XRN1: variants seen among roughly 807,000 people sequenced by gnomAD.
XRN1 encodes strand-exchange protein 1 homolog.
In XRN1, 67 loss-of-function variants were observed where a neutral mutation model predicts 222.3. The ratio of observed to expected loss-of-function variants is 0.30; its 90% CI spans 0.25 to 0.37. The LOEUF (loss-of-function observed/expected upper bound fraction) is 0.37, where lower values mean the gene tolerates loss of function less well. Among genes scored for constraint, XRN1 ranks in the 10% least tolerant of loss-of-function variants. The pLI is 1.00. For missense variants in XRN1, 1,707 were observed against 2,000.2 expected (o/e 0.85, Z 2.80); for synonymous variants, 643 against 652.4 (o/e 0.99, Z 0.22).
In XRN1 at chr3:142,322,491, A is replaced by C. The variant is rs906218189; in HGVS notation, c.4405-3588T>G. On this transcript the variant is annotated intron_variant, in intron 37 of 40. Transcript: ENST00000392981. ...CACCTGAGGTCAGGAGCGTGAGACTAGCCTGGCCAACATGGTGAACCCTGT... is the reference window on the plus strand; with the variant it reads ...CACCTGAGGTCAGGAGCGTGAGACTCGCCTGGCCAACATGGTGAACCCTGT... Among the ~76,000 whole-genome samples, 2 of 151,934 alleles carry C rather than the reference A, an allele frequency of 1.3e-5. 1 individual carries two copies. The highest frequency in any genetic ancestry group is 4.8e-5 in the African/African-American group (2 of 41,358).
chr3:142,447,626 C>G lies in XRN1; in HGVS notation c.75+244G>C, dbSNP rs2070582440. On this transcript the variant is annotated intron_variant, in intron 1 of 40. Coordinates refer to ENST00000392981, the MANE Select transcript of XRN1 (RefSeq NM_001282857.2). The surrounding 1 kb of genome is among the most constrained non-coding windows in gnomAD (Gnocchi z 4.2). ...CATTTCGGAGTCGCGGAAGGACCAG[C>G]AGAAGCAAGAGCTGTCAGAGAAGCC... Among the ~76,000 whole-genome samples, 1 of 152,206 alleles carries G rather than the reference C, an allele frequency of 6.6e-6. No homozygotes were observed. The highest frequency in any genetic ancestry group is 2.4e-5 in the African/African-American group (1 of 41,458).
intron 1 of XRN1, among the ~76,000 whole-genome samples, chr3:142,438,696 A>T (rs1559886784): frequency 6.6e-6 from 1 of 152,156 alleles, no homozygotes; most frequent in Non-Finnish European, 1.5e-5. Flanking sequence ...TGGCCACGAT[A>T]TCCTCTTCAA....
At chr3:142,438,112 C>A (rs957373973) in intron 1 of XRN1, among the ~76,000 whole-genome samples, 3 of 152,166 alleles carry the variant, frequency 2.0e-5, no homozygotes, top group African/African-American at 2.4e-5. Flanking sequence ...TAAATTAGTA[C>A]AACCACTATG....
chr3:142,328,667 C>A lies in XRN1; in HGVS notation c.4404+767G>T, dbSNP rs563988669. Among the ~76,000 whole-genome samples, 231 of 115,716 alleles carry A rather than the reference C, an allele frequency of 2.0e-3. 1 individual carries two copies. The highest frequency in any genetic ancestry group is 3.4e-3 in the Non-Finnish European group (199 of 57,944). 75.9% of individuals were successfully genotyped at this position (115,716 alleles called of 152,430 possible). ...TTAGGTGAAAGTTATTTTTAATAAA[C>A]AATGGATTAATAAACATATAGGTTT... is the stretch of plus-strand genomic sequence containing the variant. On this transcript the variant is annotated intron_variant, in intron 37 of 40. Transcript: ENST00000392981.
chr3:142,323,294 G>T (rs1202322839), intron 37 of XRN1, among the ~76,000 whole-genome samples: 1,976 of 136,962 alleles, frequency 0.014, 42 homozygotes, highest in African/African-American at 0.047. Context: ...TTTTTTTTTT[G>T]TTTTTTTTTT....
At chr3:142,384,949 C>T (rs181500340) in intron 20 of XRN1, among the ~76,000 whole-genome samples, 24 of 152,136 alleles carry the variant, frequency 1.6e-4, no homozygotes, top group African/African-American at 3.9e-4. Context: ...CCACTAGGAT[C>T]GTTATAATTA....
intron 21 of XRN1, among the ~76,000 whole-genome samples, chr3:142,384,205 G>A (rs867703899): frequency 1.3e-5 from 2 of 150,796 alleles, no homozygotes; most frequent in South Asian, 2.1e-4. Context: ...CCAGAAGGCG[G>A]AGCCTGCAGT....
intron 32 of XRN1, among the ~76,000 whole-genome samples, chr3:142,348,319 C>T (rs1297495108): frequency 6.6e-6 from 1 of 152,038 alleles, no homozygotes; most frequent in Non-Finnish European, 1.5e-5. Context: ...TAATAACAAT[C>T]CCAATACCTG....
At chr3:142,391,403 T>C (rs2067705532) in intron 20 of XRN1, among the ~76,000 whole-genome samples, 1 of 152,188 alleles carries the variant, frequency 6.6e-6, no homozygotes, top group African/African-American at 2.4e-5. Flanking sequence ...CTATATACTT[T>C]TACTGCTTTG....
chr3:142,419,501 G>GGA (rs1263099106), intron 10 of XRN1, among the ~76,000 whole-genome samples: 2 of 152,024 alleles, frequency 1.3e-5, no homozygotes, highest in African/African-American at 4.8e-5. Context: ...AGTACAGCAA[G>GGA]GAGAGTAAGA....
At chr3:142,401,579 G>C (rs938360268) in intron 18 of XRN1, among the ~76,000 whole-genome samples, 1 of 152,038 alleles carries the variant, frequency 6.6e-6, no homozygotes, top group Non-Finnish European at 1.5e-5. Context: ...TTGGCCAAGC[G>C]TGGTGACAGG....
rs2069206236 is a variant in XRN1, at chr3:142,425,460, T to C, written c.485A>G (p.Gln162Arg). The part of the protein sequence containing the change: ...NMKISTDKSW[Q>R]GVTIYFSGHE... Reference sequence around the variant, plus strand: ...GCCTGAGAAGTAGATGGTAACTCCTTGCCATGACTTGTCTGTGGAAATTTT... The same window carrying C: ...GCCTGAGAAGTAGATGGTAACTCCTCGCCATGACTTGTCTGTGGAAATTTT... Residue 162 changes from glutamine to arginine, a missense_variant, in exon 4 of 41, where the codon CAA (glutamine) becomes CGA (arginine). Gln to Arg is a conservative substitution (Grantham distance 43, BLOSUM62 1). Around this residue, in one of 2 missense-constraint regions of XRN1, gnomAD observed 1,234 missense variants for 1,518.2 expected, o/e 0.81. Transcript: ENST00000392981. 3 of 1,613,274 alleles carry C rather than the reference T, an allele frequency of 1.9e-6. No individual in the cohort carries two copies. Among genetic ancestry groups the C allele is most frequent in the South Asian group, 2.2e-5 (2 of 90,992 alleles).
chr3:142,403,670 T>G lies in XRN1; in HGVS notation c.2103+4A>C. ...AATAAATGAATGATAAATAAAATAC[T>G]TACAAGTTCATCTGATTCTGCATCC... On this transcript the variant is annotated splice_donor_region_variant and intron_variant, in intron 18 of 40. Coordinates refer to ENST00000392981, the MANE Select transcript of XRN1 (RefSeq NM_001282857.2). The G allele has an allele frequency of 6.2e-7, 1 of 1,610,816 alleles. No individual in the cohort carries two copies. Among genetic ancestry groups the G allele is most frequent in the Non-Finnish European group, 8.5e-7 (1 of 1,177,602 alleles).
chr3:142,352,333 A>G (rs949126426), intron 32 of XRN1, among the ~76,000 whole-genome samples: 8 of 152,208 alleles, frequency 5.3e-5, no homozygotes, highest in Non-Finnish European at 7.3e-5. Flanking sequence ...GAATCAGGAA[A>G]TCAGGTTTTG....
intron 25 of XRN1, among the ~76,000 whole-genome samples, chr3:142,371,921 G>C (rs1377145899): frequency 6.6e-6 from 1 of 152,110 alleles, no homozygotes; most frequent in African/African-American, 2.4e-5. Flanking sequence ...ACTGGAAACT[G>C]GATGAATGAA....
At chr3:142,421,577 A>G in intron 8 of XRN1, 34 bp from the exon 9 acceptor site, 1 of 1,483,836 alleles carries the variant, frequency 6.7e-7, no homozygotes, top group Non-Finnish European at 9.2e-7. Context: ...CTGTACTAAA[A>G]GCTGACATTT....
intron 29 of XRN1, among the ~76,000 whole-genome samples, chr3:142,360,765 T>C (rs1224176421): frequency 1.3e-5 from 2 of 149,290 alleles, no homozygotes; most frequent in Admixed American, 6.7e-5. Context: ...TCCCAGCTAG[T>C]TGGGAGGCTG....
At chr3:142,362,624 C>CCTTTTT (rs1442574324) in intron 29 of XRN1, among the ~76,000 whole-genome samples, 4 of 145,096 alleles carry the variant, frequency 2.8e-5, no homozygotes, top group African/African-American at 1.0e-4. Context: ...CCTCCCCTGG[C>CCTTTTT]CTTTTTCTTT....
chr3:142,438,682 C>A (rs950998633), intron 1 of XRN1, among the ~76,000 whole-genome samples: 4 of 152,098 alleles, frequency 2.6e-5, no homozygotes, highest in African/African-American at 9.7e-5. Context: ...TCTGCAGTAC[C>A]GCCTGGCCAC....
Sources: allele counts gnomAD v4.1 joint callset (sites outside exome capture counted in the v4.1 genomes callset), GRCh38; gene constraint gnomAD v4.1.1; regional missense constraint gnomAD v4.1.1; non-coding constraint Gnocchi (gnomAD v3.1); transcripts MANE v1.5; gene names NCBI Gene and HGNC (gene_info 2026-07-23, HGNC 2026-07-21).